The following DNAL1 variants were observed in gnomAD, a reference collection of about 807,000 sequenced individuals.
DNAL1 encodes dynein axonemal light chain 1, also known as chromosome 14 open reading frame 168.
DNAL1 carries 17 observed loss-of-function variants against 29.4 expected under a neutral mutation model. That is an observed-to-expected ratio of 0.58 (90% CI 0.40 to 0.87). The LOEUF is 0.87. Ranked by LOEUF, DNAL1 falls within the 40% of genes least tolerant of loss-of-function variation. DNAL1 has a pLI of 0.00. For synonymous variants in DNAL1, 78 were observed against 76.3 expected (o/e 1.02, Z -0.12); for missense variants, 188 against 214.1 (o/e 0.88, Z 0.76).
intron 2 of DNAL1, among the ~76,000 whole-genome samples, chr14:73,655,217 T>C (rs1327039357): frequency 6.6e-6 from 1 of 152,106 alleles, no homozygotes; most frequent in African/African-American, 2.4e-5. Flanking sequence ...ACTTTAAATA[T>C]CATAATAAAA....
intron 1 of DNAL1, among the ~76,000 whole-genome samples, chr14:73,646,343 T>C (rs1430601824): frequency 1.3e-5 from 2 of 152,234 alleles, no homozygotes; most frequent in East Asian, 3.8e-4. Flanking sequence ...TAGAATATGC[T>C]TACAAAAACC....
intron 7 of DNAL1, among the ~76,000 whole-genome samples, chr14:73,692,647 T>C (rs916240360): frequency 4.0e-5 from 6 of 150,858 alleles, no homozygotes; most frequent in African/African-American, 1.5e-4. Flanking sequence ...ACCACCAATG[T>C]AGAACTTGAA....
rs1226102872 is a variant in DNAL1, at chr14:73,672,308, A to G, written c.264+711A>G. 2.2e-4 allele frequency among the ~76,000 whole-genome samples: 33 copies of G among 152,146 alleles called. 1 individual carries two copies. Among genetic ancestry groups the G allele is most frequent in the Admixed American group, 2.1e-3 (32 of 15,272 alleles). On this transcript the variant is annotated intron_variant, in intron 5 of 7. Transcript: ENST00000553645. The stretch of plus-strand genomic sequence containing the variant: ...TACTGATGAGTTTATAAAATGCTGG[A>G]AATTCTTAAGGGTCAGGCTGAGAGC...
At chr14:73,687,838 A>C (rs1217644574) in intron 6 of DNAL1, among the ~76,000 whole-genome samples, 4 of 152,262 alleles carry the variant, frequency 2.6e-5, no homozygotes, top group Admixed American at 1.3e-4. Context: ...GCGCCGCTGC[A>C]CTCCAGCCAG....
intron 7 of DNAL1, among the ~76,000 whole-genome samples, chr14:73,692,388 A>T (rs1892196507): frequency 6.6e-6 from 1 of 152,066 alleles, no homozygotes; most frequent in Non-Finnish European, 1.5e-5. Flanking sequence ...AGACTGAGGC[A>T]GGAGAATCAC....
At chr14:73,684,929 G>A (rs1448922360) in intron 5 of DNAL1, among the ~76,000 whole-genome samples, 1 of 140,392 alleles carries the variant, frequency 7.1e-6, no homozygotes, top group Admixed American at 7.2e-5. Flanking sequence ...TAGATTTTAT[G>A]GCATTTCATA....
At chr14:73,668,684 CT>C (rs373557372) in intron 4 of DNAL1, among the ~76,000 whole-genome samples, 10 of 147,878 alleles carry the variant, frequency 6.8e-5, no homozygotes, top group African/African-American at 7.4e-5. Context: ...CCCTCTGTCT[CT>C]TTTTTTTTTG....
rs1411236517 is a variant in DNAL1 at position 73,662,010 on chromosome 14, G to A, written c.176G>A (p.Cys59Tyr). The change falls in exon 4 of 8, where the codon TGC becomes TAC. Residue 59 changes from cysteine to tyrosine, a missense_variant. Coordinates refer to ENST00000553645, the MANE Select transcript of DNAL1 (RefSeq NM_031427.4). The part of the protein sequence containing the change: ...NCEKLSLSTN[C>Y]IEKIANLNGL... ...AGGAAGCTTTCACTGTCTACAAACT[G>A]CATTGAAAAAATTGCCAACCTGAAT... 2 of 1,559,930 alleles carry A rather than the reference G, an allele frequency of 1.3e-6. No individual in the cohort carries two copies. The highest frequency in any genetic ancestry group is 2.4e-5 in the East Asian group (1 of 42,334).
chr14:73,645,445 A>G (rs1192540141), intron 1 of DNAL1, among the ~76,000 whole-genome samples: 2 of 152,180 alleles, frequency 1.3e-5, no homozygotes, highest in African/African-American at 2.4e-5. Context: ...AGGGTTCTGT[A>G]TAACACGGAT....
chr14:73,674,834 G>A (rs558501063), intron 5 of DNAL1, among the ~76,000 whole-genome samples: 18 of 152,066 alleles, frequency 1.2e-4, no homozygotes, highest in East Asian at 3.9e-4. Flanking sequence ...AATTACAGGC[G>A]TGAGCCACCA....
chr14:73,687,010 A>ATT lies in DNAL1; in HGVS notation c.265-235_265-234dup, dbSNP rs372358652. 9.4e-3 allele frequency among the ~76,000 whole-genome samples: 1,331 copies of ATT among 141,448 alleles called. 26 individuals are homozygous for ATT. The highest frequency in any genetic ancestry group is 0.03 in the African/African-American group (1,172 of 38,602). 92.8% of individuals were successfully genotyped at this position (141,448 alleles called of 152,430 possible). A position where few individuals can be genotyped will look rare whatever the true frequency, so the allele number is the denominator to read the frequency against. On this transcript the variant is annotated intron_variant, in intron 5 of 7. Coordinates refer to ENST00000553645, the MANE Select transcript of DNAL1 (RefSeq NM_031427.4). ...TATTAGTAACGTATTATGTTTTGTG[A>ATT]TTTTTTTTTTTTTTTAGTGGAGCAG...
intron 5 of DNAL1, among the ~76,000 whole-genome samples, chr14:73,676,466 T>C (rs151081378): frequency 3.0e-3 from 460 of 152,262 alleles, no homozygotes; most frequent in African/African-American, 0.011. Context: ...GTGTGTCATA[T>C]TGTTTGTTCT....
Position 73,697,524 on chromosome 14 carries a change from T to G in DNAL1, c.*1582T>G, listed in dbSNP as rs1892328526. ...TTGGGAGGCCGAGGCGGGCGGATCA[T>G]CTGAGATCAGGAGTTCAAGACCAGC... On this transcript the variant is annotated 3_prime_UTR_variant, in exon 8 of 8. Transcript: ENST00000553645. 1 of 152,024 alleles carries G rather than the reference T, an allele frequency of 6.6e-6. No homozygotes were observed. The highest frequency in any genetic ancestry group is 1.5e-5 in the Non-Finnish European group (1 of 68,038). 9.4% of individuals were successfully genotyped at this position (152,024 alleles called of 1,614,324 possible). A position where few individuals can be genotyped will look rare whatever the true frequency, so the allele number is the denominator to read the frequency against.
At chr14:73,680,641 TA>T in intron 5 of DNAL1, among the ~76,000 whole-genome samples, 1 of 152,168 alleles carries the variant, frequency 6.6e-6, no homozygotes, top group Non-Finnish European at 1.5e-5. Flanking sequence ...ATTATTTATT[TA>T]TAGTGAGAAC....
At position 73,700,460 on chromosome 14, in the gene DNAL1, A is replaced by G. The variant is rs1486504640; in HGVS notation, c.*4518A>G. 1 of 152,258 alleles carries G rather than the reference A, an allele frequency of 6.6e-6. No homozygotes were observed. The highest frequency in any genetic ancestry group is 1.5e-5 in the Non-Finnish European group (1 of 68,044). The allele number at this position is 152,258 out of a possible 1,614,324, so 9.4% of individuals were successfully genotyped here. A position where few individuals can be genotyped will look rare whatever the true frequency, so the allele number is the denominator to read the frequency against. On this transcript the variant is annotated 3_prime_UTR_variant, in exon 8 of 8. Transcript: ENST00000553645. Reference sequence around the variant, plus strand: ...GTGGTCTGAAGCAGAATAAGGAAGAATAAGAAATGAATCTTGACTGTTGAC... The same window carrying G: ...GTGGTCTGAAGCAGAATAAGGAAGAGTAAGAAATGAATCTTGACTGTTGAC...
chr14:73,650,344 A>AT lies in DNAL1; in HGVS notation c.4-4496dup, dbSNP rs1234012311. 1.6e-4 allele frequency among the ~76,000 whole-genome samples: 25 copies of AT among 151,948 alleles called. No homozygotes were observed. In the East Asian group the frequency reaches 2.9e-3, roughly 18 times the overall value. On this transcript the variant is annotated intron_variant, in intron 1 of 7. Transcript: ENST00000553645. ...TGTTGTTATTGTTACTTTTTAGTGG[A>AT]TTTTTTTCACATGTTTTCTATCCTT...
At chr14:73,683,127 C>T (rs374474350) in intron 5 of DNAL1, among the ~76,000 whole-genome samples, 71 of 152,024 alleles carry the variant, frequency 4.7e-4, no homozygotes, top group African/African-American at 1.6e-3. Flanking sequence ...CCGCCTGCCT[C>T]GGCCTCCCAA....
At chr14:73,691,404 C>T (rs1185807703) in intron 7 of DNAL1, among the ~76,000 whole-genome samples, 1 of 151,786 alleles carries the variant, frequency 6.6e-6, no homozygotes, top group Non-Finnish European at 1.5e-5. Flanking sequence ...ACAAAATTAG[C>T]TGGACCTGGT....
intron 1 of DNAL1, 101 bp from the exon 2 acceptor site, chr14:73,654,746 A>G (rs1251136593): frequency 1.8e-6 from 2 of 1,138,872 alleles, no homozygotes; most frequent in East Asian, 5.6e-5. Context: ...GTGACAGAGC[A>G]AGATTCTGTC....
Sources: gnomAD v4.1 joint callset for allele counts (sites outside exome capture counted in the v4.1 genomes callset) on GRCh38, gnomAD v4.1.1 for gene constraint, MANE v1.5 for transcripts, NCBI Gene and HGNC (gene_info 2026-07-23, HGNC 2026-07-21) for gene names.